DCAF8L2: variants seen among roughly 807,000 people sequenced by gnomAD.
The protein encoded by DCAF8L2 is DDB1 and CUL4 associated factor 8 like 2.
For synonymous variants in DCAF8L2, 200 were observed against 190.9 expected, an observed-to-expected ratio of 1.05 and a Z score of -0.39; for missense variants, 430 against 490.7, an observed-to-expected ratio of 0.88 and a Z score of 1.17.
the DCAF8L2 span, among the ~76,000 whole-genome samples, chrX:27,520,809 T>C: frequency 8.9e-6 from 1 of 111,906 alleles, no homozygotes; most frequent in Non-Finnish European, 1.9e-5. Flanking sequence ...GAAATAAAGG[T>C]GTCAAGAATT....
At chrX:27,499,040 C>G in the DCAF8L2 span, among the ~76,000 whole-genome samples, 1 of 112,302 alleles carries the variant, frequency 8.9e-6, no homozygotes, top group Middle Eastern at 4.6e-3. Flanking sequence ...CATAGGAGTG[C>G]AGAAATCTCT....
rs892184645 is a variant in DCAF8L2 at position 27,614,873 on chromosome X, C to G, written c.-341-17006C>G. 4.5e-5 allele frequency among the ~76,000 whole-genome samples: 5 copies of G among 110,944 alleles called. No individual in the cohort carries two copies. In the Admixed American group the frequency reaches 4.8e-4, roughly 11 times the overall value. On this transcript the variant is annotated intron_variant, in intron 1 of 4. Transcript: ENST00000451261. ...TTGCTAAGGAGTGCTTTATTTCCAA[C>G]TATGTGGTCAATTTTGGAATAAGTT... is the stretch of plus-strand genomic sequence containing the variant.
In DCAF8L2 at chrX:27,746,837, G is replaced by T. The variant is rs1922195155; in HGVS notation, c.-58-1G>T. Reference sequence around the variant, plus strand: ...TAACCGCAGGCCAACTTTCTTCCCAGAGCTTTTAGGGGCCTGGCCTTTGCA... The same window carrying T: ...TAACCGCAGGCCAACTTTCTTCCCATAGCTTTTAGGGGCCTGGCCTTTGCA... On this transcript the variant is annotated splice_acceptor_variant, in intron 4 of 4. Coordinates refer to ENST00000451261, the MANE Select transcript of DCAF8L2 (RefSeq NM_001353450.2). LOFTEE classifies it low-confidence loss of function (5UTR_SPLICE). 1 of 1,103,290 alleles carries T rather than the reference G, an allele frequency of 9.1e-7. No homozygotes were observed. Among genetic ancestry groups the T allele is most frequent in the South Asian group, 2.2e-5 (1 of 44,774 alleles). 90.9% of individuals were successfully genotyped at this position (1,103,290 alleles called of 1,213,427 possible). A position where few individuals can be genotyped will look rare whatever the true frequency, so the allele number is the denominator to read the frequency against.
At chrX:27,666,062 A>G (rs1468415269) in intron 2 of DCAF8L2, among the ~76,000 whole-genome samples, 1 of 111,775 alleles carries the variant, frequency 8.9e-6, no homozygotes, top group African/African-American at 3.2e-5. Flanking sequence ...TTTTCCAAAT[A>G]ATTAAATAGT....
the DCAF8L2 span, among the ~76,000 whole-genome samples, chrX:27,571,360 G>A: frequency 8.9e-6 from 1 of 111,883 alleles, no homozygotes; most frequent in South Asian, 3.7e-4. Context: ...GCTCTCTTCA[G>A]AACTAGAACA....
intron 1 of DCAF8L2, among the ~76,000 whole-genome samples, chrX:27,612,411 C>T (rs754994600): frequency 2.2e-4 from 25 of 111,874 alleles, no homozygotes; most frequent in African/African-American, 5.8e-4. Context: ...TTCACTATGA[C>T]GGTAGTTTCT....
At chrX:27,503,680 T>C in the DCAF8L2 span, among the ~76,000 whole-genome samples, 1 of 111,349 alleles carries the variant, frequency 9.0e-6, no homozygotes, top group African/African-American at 3.3e-5. Context: ...TCATACTATA[T>C]TTATATAGCA....
At chrX:27,691,457 T>C (rs1930710313) in intron 3 of DCAF8L2, among the ~76,000 whole-genome samples, 1 of 111,481 alleles carries the variant, frequency 9.0e-6, no homozygotes, top group South Asian at 3.7e-4. Flanking sequence ...TATGTGCCAC[T>C]GCTAGACTAT....
chrX:27,661,508 GTT>G (rs1225895066), intron 2 of DCAF8L2, among the ~76,000 whole-genome samples: 1 of 110,866 alleles, frequency 9.0e-6, no homozygotes, highest in Non-Finnish European at 1.9e-5. Context: ...CTAATCCAGT[GTT>G]TTCTTTTTTT....
intron 4 of DCAF8L2, among the ~76,000 whole-genome samples, chrX:27,741,994 T>C (rs1242816738): frequency 1.8e-5 from 2 of 112,172 alleles, no homozygotes; most frequent in African/African-American, 6.5e-5. Context: ...TAAAATAAAA[T>C]ATTTTGTATT....
chrX:27,552,426 T>C, the DCAF8L2 span, among the ~76,000 whole-genome samples: 1 of 111,603 alleles, frequency 9.0e-6, no homozygotes, highest in African/African-American at 3.3e-5. Flanking sequence ...TTTTATAATT[T>C]TGAGTTTTAC....
intron 3 of DCAF8L2, among the ~76,000 whole-genome samples, chrX:27,691,984 C>G (rs1395758618): frequency 9.0e-6 from 1 of 111,675 alleles, no homozygotes; most frequent in Non-Finnish European, 1.9e-5. Flanking sequence ...TTGATCATAA[C>G]GTGCTTCTGT....
chrX:27,494,101 C>A, the DCAF8L2 span, among the ~76,000 whole-genome samples: 1 of 111,857 alleles, frequency 8.9e-6, no homozygotes, highest in African/African-American at 3.2e-5. Context: ...TGTCTCACTT[C>A]TCTTGTATAG....
At chrX:27,592,200 C>T (rs1350656211) in intron 1 of DCAF8L2, among the ~76,000 whole-genome samples, 2 of 111,770 alleles carry the variant, frequency 1.8e-5, no homozygotes, top group African/African-American at 3.3e-5. Context: ...AGCTGTGGGG[C>T]CCCCTCCTCC....
the DCAF8L2 span, among the ~76,000 whole-genome samples, chrX:27,523,725 G>A: frequency 1.8e-5 from 2 of 108,670 alleles, no homozygotes; most frequent in Non-Finnish European, 3.8e-5. Flanking sequence ...CAGTTAACTC[G>A]TCATTTGCAT....
At chrX:27,512,873 ATCAGT>A in the DCAF8L2 span, among the ~76,000 whole-genome samples, 1 of 107,957 alleles carries the variant, frequency 9.3e-6, no homozygotes, top group South Asian at 4.2e-4. Context: ...AACAAAACAG[ATCAGT>A]ACTGGCATAA....
chrX:27,483,884 G>A, the DCAF8L2 span, among the ~76,000 whole-genome samples: 607 of 110,848 alleles, frequency 5.5e-3, 12 homozygotes, highest in East Asian at 0.093. Context: ...GGCCTTCATG[G>A]ATTTAGAAGC....
the DCAF8L2 span, among the ~76,000 whole-genome samples, chrX:27,514,044 T>G: frequency 8.9e-6 from 1 of 112,028 alleles, no homozygotes; most frequent in African/African-American, 3.2e-5. Context: ...GTTGAAGAGA[T>G]ATCTTCATTC....
intron 3 of DCAF8L2, among the ~76,000 whole-genome samples, chrX:27,704,154 GTATATA>G (rs34605340): frequency 2.6e-5 from 2 of 76,182 alleles, no homozygotes; most frequent in Admixed American, 1.4e-4. Flanking sequence ...TAGTGCTGCA[GTATATA>G]TATATATATA....
Sources: allele counts gnomAD v4.1 joint callset (sites outside exome capture counted in the v4.1 genomes callset), GRCh38; gene constraint gnomAD v4.1.1; transcripts MANE v1.5; gene names NCBI Gene and HGNC (gene_info 2026-07-23, HGNC 2026-07-21).